Variants in LDLRAD4 observed in about 807,000 individuals in gnomAD.
The protein encoded by LDLRAD4 is low density lipoprotein receptor class A domain containing 4, also known as low-density lipoprotein receptor class A domain-containing protein 4.
Under a neutral mutation model 17.0 loss-of-function variants are expected in LDLRAD4, and 5 were observed. The observed-to-expected ratio is 0.29, with a 90% CI of 0.15 to 0.62. The LOEUF is 0.62. LDLRAD4 is among the 20% of genes least tolerant of loss of function. LDLRAD4 has a pLI of 0.84. For synonymous variants in LDLRAD4, 168 were observed against 171.8 expected (o/e 0.98, Z 0.17); for missense variants, 340 against 424.7 (o/e 0.80, Z 1.75).
At chr18:13,384,524 T>C (rs2085641754) in intron 1 of LDLRAD4, among the ~76,000 whole-genome samples, 1 of 152,210 alleles carries the variant, frequency 6.6e-6, no homozygotes, top group African/African-American at 2.4e-5. Context: ...ATTCCTCCAG[T>C]CCATCTGAAA....
chr18:13,396,614 G>A (rs2086717888), intron 2 of LDLRAD4, among the ~76,000 whole-genome samples: 1 of 152,152 alleles, frequency 6.6e-6, no homozygotes, highest in African/African-American at 2.4e-5. Flanking sequence ...CTCTTGAGTA[G>A]CTTGGACTAC....
chr18:13,520,806 TTGTGCCAC>T (rs1323907304), intron 3 of LDLRAD4: 1 of 152,124 alleles, frequency 6.6e-6, no homozygotes, highest in Non-Finnish European at 1.5e-5. Context: ...TGAGCCCTGA[TTGTGCCAC>T]TGCACTTCAG....
At chr18:13,478,607 G>C (rs1397219993) in intron 3 of LDLRAD4, among the ~76,000 whole-genome samples, 1 of 152,170 alleles carries the variant, frequency 6.6e-6, no homozygotes, top group Non-Finnish European at 1.5e-5. Context: ...TGAGGAAAAC[G>C]ACAAAACTGA....
chr18:13,590,167 G>A (rs769997615), intron 3 of LDLRAD4, among the ~76,000 whole-genome samples: 9 of 151,612 alleles, frequency 5.9e-5, no homozygotes, highest in Non-Finnish European at 1.3e-4. Flanking sequence ...ACGCATGTGC[G>A]TATATGGAGT....
At chr18:13,397,526 CA>C (rs2086800759) in intron 2 of LDLRAD4, among the ~76,000 whole-genome samples, 1 of 152,196 alleles carries the variant, frequency 6.6e-6, no homozygotes, top group Non-Finnish European at 1.5e-5. Context: ...TGTGGCCTCC[CA>C]AAGCACTGGG....
intron 3 of LDLRAD4, among the ~76,000 whole-genome samples, chr18:13,563,812 G>A (rs1209942974): frequency 6.6e-6 from 1 of 152,196 alleles, no homozygotes; most frequent in East Asian, 1.9e-4. Context: ...GCCTCTAAAG[G>A]CCCCTCAGTG....
intron 3 of LDLRAD4, chr18:13,612,204 A>C: frequency 1.0e-6 from 1 of 988,788 alleles, no homozygotes; most frequent in Non-Finnish European, 1.2e-6. Context: ...TACTGAACGC[A>C]GTGTGACAAG....
At chr18:13,341,948 T>C (rs2082394213) in intron 1 of LDLRAD4, among the ~76,000 whole-genome samples, 1 of 152,076 alleles carries the variant, frequency 6.6e-6, no homozygotes, top group Non-Finnish European at 1.5e-5. Flanking sequence ...AAATCATGAA[T>C]GGTGTTGAAT....
At chr18:13,583,227 A>G (rs967327431) in intron 3 of LDLRAD4, among the ~76,000 whole-genome samples, 2 of 152,208 alleles carry the variant, frequency 1.3e-5, no homozygotes, top group Non-Finnish European at 2.9e-5. Flanking sequence ...AAATACATGT[A>G]ATTTAATATT....
intron 4 of LDLRAD4, among the ~76,000 whole-genome samples, chr18:13,638,522 G>A (rs1218189104): frequency 6.6e-6 from 1 of 152,136 alleles, no homozygotes; most frequent in Non-Finnish European, 1.5e-5. Context: ...GCACATACAA[G>A]AGGCCTCTGA....
At position 13,234,354 on chromosome 18, in the gene LDLRAD4, C is replaced by T. The variant is rs141511646; in HGVS notation, c.-467+15366C>T. On this transcript the variant is annotated intron_variant, in intron 1 of 5. Transcript: ENST00000399848. ...CCTGGCTTTGCCCTAGGAGGCCTTC[C>T]CTGGCCCATGTGTCTCCTGCACGGG... 1.5e-4 allele frequency among the ~76,000 whole-genome samples: 22 copies of T among 150,794 alleles called. No individual in the cohort carries two copies. In the East Asian group the frequency reaches 3.5e-3, roughly 24 times the overall value.
At chr18:13,335,454 CTT>C (rs1021817758) in intron 1 of LDLRAD4, among the ~76,000 whole-genome samples, 1 of 152,216 alleles carries the variant, frequency 6.6e-6, no homozygotes, top group Non-Finnish European at 1.5e-5. Context: ...CTCCCACCAT[CTT>C]TTACTACTCT....
intron 3 of LDLRAD4, among the ~76,000 whole-genome samples, chr18:13,619,569 T>G (rs1431118632): frequency 6.6e-6 from 1 of 150,588 alleles, no homozygotes; most frequent in African/African-American, 2.5e-5. Flanking sequence ...GGACATTTCC[T>G]CCCCATAGGA....
At chr18:13,565,993 A>G (rs1349999103) in intron 3 of LDLRAD4, among the ~76,000 whole-genome samples, 4 of 152,232 alleles carry the variant, frequency 2.6e-5, no homozygotes, top group African/African-American at 9.6e-5. Flanking sequence ...CCATTCGTTC[A>G]GTCCAACAAG....
At chr18:13,596,173 G>A (rs1284445) in intron 3 of LDLRAD4, among the ~76,000 whole-genome samples, 137,413 of 152,224 alleles carry the variant, frequency 0.9, 62,046 homozygotes, top group East Asian at 1. Flanking sequence ...TGTTTTGTCT[G>A]GTATTAGTAT....
At chr18:13,582,809 C>T (rs771280873) in intron 3 of LDLRAD4, among the ~76,000 whole-genome samples, 7 of 152,190 alleles carry the variant, frequency 4.6e-5, no homozygotes, top group Admixed American at 1.3e-4. Flanking sequence ...ACCTCCCAGG[C>T]GCAAGCAAAC....
At chr18:13,443,589 A>G (rs997627312) in intron 3 of LDLRAD4, among the ~76,000 whole-genome samples, 1 of 152,236 alleles carries the variant, frequency 6.6e-6, no homozygotes, top group Non-Finnish European at 1.5e-5. Flanking sequence ...TGTTTGCACC[A>G]GGATCCAAAG....
intron 1 of LDLRAD4, among the ~76,000 whole-genome samples, chr18:13,336,694 C>T (rs942975468): frequency 6.6e-6 from 1 of 151,846 alleles, no homozygotes; most frequent in African/African-American, 2.4e-5. Context: ...CTTTTCTGAT[C>T]TCTTCTAGTT....
intron 1 of LDLRAD4, among the ~76,000 whole-genome samples, chr18:13,244,244 A>G (rs2042845389): frequency 6.8e-6 from 1 of 146,168 alleles, no homozygotes; most frequent in African/African-American, 2.6e-5. Context: ...CCTCCTGTCC[A>G]CTCACCCACT....
Sources: allele counts gnomAD v4.1 joint callset (sites outside exome capture counted in the v4.1 genomes callset), GRCh38; gene constraint gnomAD v4.1.1; transcripts MANE v1.5; gene names NCBI Gene and HGNC (gene_info 2026-07-23, HGNC 2026-07-21).